The following MAP3K8 variants were observed in gnomAD, a reference collection of about 807,000 sequenced individuals.
MAP3K8 encodes the protein mitogen-activated protein kinase kinase kinase 8, also known as Ewing sarcoma transformant.
Under a neutral mutation model 45.8 loss-of-function variants are expected in MAP3K8, and 22 were observed. The observed-to-expected ratio is 0.48, with a 90% CI of 0.34 to 0.69. The LOEUF is 0.69. MAP3K8 is among the 30% of genes least tolerant of loss of function. The probability of loss-of-function intolerance (pLI) is 0.01; values close to 1 mark genes in which losing one functional copy is unlikely to be tolerated. For missense variants in MAP3K8, 419 were observed against 585.0 expected (o/e 0.72, Z 2.93); for synonymous variants, 223 against 214.3 (o/e 1.04, Z -0.36).
intron 4 of MAP3K8, among the ~76,000 whole-genome samples, chr10:30,449,040 T>C (rs894234159): frequency 6.6e-6 from 1 of 152,220 alleles, no homozygotes; most frequent in Non-Finnish European, 1.5e-5. Flanking sequence ...TGTGGATTAA[T>C]CTCATAACCA....
chr10:30,443,839 A>G (rs1194869535), intron 3 of MAP3K8, among the ~76,000 whole-genome samples: 1 of 152,190 alleles, frequency 6.6e-6, no homozygotes, highest in Non-Finnish European at 1.5e-5. Flanking sequence ...CTGCCCTTAC[A>G]GGTGATTTTG....
At chr10:30,434,577 G>T in intron 1 of MAP3K8, 199 bp downstream of exon 1, 1 of 985,902 alleles carries the variant, frequency 1.0e-6, no homozygotes, top group South Asian at 4.7e-5. Flanking sequence ...CTTGCGCAAG[G>T]GTCTCACGGG....
In MAP3K8 at chr10:30,460,803, T is replaced by A; in HGVS notation, c.1371T>A (p.Leu457=). 1 of 1,613,996 alleles carries A rather than the reference T, an allele frequency of 6.2e-7. No homozygotes were observed. Among genetic ancestry groups the A allele is most frequent in the African/African-American group, 1.3e-5 (1 of 75,054 alleles). ...GCGCTCTGGCTGGCTACTTCAATCT[T>A]GTTCGGGGACCACCAACGCTTGAAT... is the stretch of plus-strand genomic sequence containing the variant. ...DLGALAGYFN[L]VRGPPTLEYG Residue 457 remains leucine (L), a synonymous_variant, in exon 9 of 9, where the codon CTT becomes CTA. Coordinates refer to ENST00000263056, the MANE Select transcript of MAP3K8 (RefSeq NM_005204.4).
rs1427126880 is a variant in MAP3K8 at position 30,460,691 on chromosome 10, T to A, written c.1274-15T>A. 6.3e-7 allele frequency: 1 copy of A among 1,597,156 alleles called. No individual in the cohort carries two copies. Among genetic ancestry groups the A allele is most frequent in the Admixed American group, 1.7e-5 (1 of 57,372 alleles). On this transcript the variant is annotated splice_polypyrimidine_tract_variant and intron_variant, in intron 8 of 8. Coordinates refer to ENST00000263056, the MANE Select transcript of MAP3K8 (RefSeq NM_005204.4). ...CGTTTTCTTGTTACTTACTTTGTAA[T>A]GTTTTCCTTTTCAGATTCTTCGTGC... is the stretch of plus-strand genomic sequence containing the variant.
In MAP3K8 at chr10:30,459,450, C is replaced by T. The variant is rs200350013; in HGVS notation, c.1222C>T (p.Arg408Cys). ...CQSLDSALLE[R>C]KRLLSRKELE... ...GAGTCTGGACTCTGCCCTCTTGGAG[C>T]GCAAGAGGCTGCTGAGTAGGAAGGA... is the stretch of plus-strand genomic sequence containing the variant. The change falls in exon 8 of 9, where the codon CGC becomes TGC. Residue 408 changes from arginine (R) to cysteine (C), a missense_variant. By Grantham distance (180) the Arg-to-Cys change is radical (BLOSUM62 -3). Coordinates refer to ENST00000263056, the MANE Select transcript of MAP3K8 (RefSeq NM_005204.4). The T allele has an allele frequency of 2.5e-6, 4 of 1,613,960 alleles. No individual in the cohort carries two copies. Among genetic ancestry groups the T allele is most frequent in the Non-Finnish European group, 3.4e-6 (4 of 1,179,938 alleles).
Position 30,437,391 on chromosome 10 carries a change from A to G in MAP3K8, c.-39A>G. On this transcript the variant is annotated 5_prime_UTR_variant, in exon 2 of 9. Coordinates refer to ENST00000263056, the MANE Select transcript of MAP3K8 (RefSeq NM_005204.4). ...ATGAGCTTGAACTCTGTTAATCCTC[A>G]CGACCACCTCATGAGGTAGGTGCTG... is the stretch of plus-strand genomic sequence containing the variant. 3.8e-6 allele frequency: 3 copies of G among 798,622 alleles called. No individual in the cohort carries two copies. The highest frequency in any genetic ancestry group is 4.6e-6 in the Non-Finnish European group (3 of 659,126). 49.5% of individuals were successfully genotyped at this position (798,622 alleles called of 1,614,324 possible). A position where few individuals can be genotyped will look rare whatever the true frequency, so the allele number is the denominator to read the frequency against.
intron 6 of MAP3K8, among the ~76,000 whole-genome samples, chr10:30,457,108 T>C (rs892983202): frequency 6.7e-6 from 1 of 149,870 alleles, no homozygotes; most frequent in Non-Finnish European, 1.5e-5. Flanking sequence ...GCCAAAGTGC[T>C]GAGATTATAG....
chr10:30,448,834 T>A (rs975285551), intron 4 of MAP3K8, among the ~76,000 whole-genome samples: 1 of 152,062 alleles, frequency 6.6e-6, no homozygotes, highest in Non-Finnish European at 1.5e-5. Context: ...CAACAATTCC[T>A]CTCCTGTAGG....
At chr10:30,454,140 C>T (rs1836652911) in intron 6 of MAP3K8, among the ~76,000 whole-genome samples, 1 of 152,146 alleles carries the variant, frequency 6.6e-6, no homozygotes, top group Admixed American at 6.5e-5. Context: ...GCCTGAGCCA[C>T]TCAGCCCCAT....
At chr10:30,456,049 C>G (rs1302135983) in intron 6 of MAP3K8, among the ~76,000 whole-genome samples, 1 of 152,230 alleles carries the variant, frequency 6.6e-6, no homozygotes, top group African/African-American at 2.4e-5. Flanking sequence ...AGAGCCACCT[C>G]TGCACAACCC....
At chr10:30,451,399 C>T (rs1165786690) in intron 5 of MAP3K8, among the ~76,000 whole-genome samples, 1 of 152,170 alleles carries the variant, frequency 6.6e-6, no homozygotes, top group Admixed American at 6.5e-5. Flanking sequence ...AGTTCTTGAA[C>T]ATTATTAATG....
chr10:30,454,671 A>T (rs1836677242), intron 6 of MAP3K8, among the ~76,000 whole-genome samples: 1 of 151,946 alleles, frequency 6.6e-6, no homozygotes, highest in South Asian at 2.1e-4. Flanking sequence ...AATATTACTG[A>T]AGTTATTATT....
chr10:30,458,288 T>C lies in MAP3K8; in HGVS notation c.1026+52T>C, dbSNP rs781573389. Reference sequence around the variant, plus strand: ...GGCGGCGGGGGGGGGCGTTGAGTTATGCATCCCGCAGGCTTGGGAGGGACT... The same window carrying C: ...GGCGGCGGGGGGGGGCGTTGAGTTACGCATCCCGCAGGCTTGGGAGGGACT... On this transcript the variant is annotated intron_variant, in intron 7 of 8. Coordinates refer to ENST00000263056, the MANE Select transcript of MAP3K8 (RefSeq NM_005204.4). 3.8e-6 allele frequency: 5 copies of C among 1,304,976 alleles called. No individual in the cohort carries two copies. In the Admixed American group the frequency reaches 1.4e-4, roughly 36 times the overall value. 80.8% of individuals were successfully genotyped at this position (1,304,976 alleles called of 1,614,324 possible).
intron 3 of MAP3K8, among the ~76,000 whole-genome samples, chr10:30,446,534 CAAA>C (rs5784199): frequency 1.0e-4 from 9 of 89,202 alleles, no homozygotes; most frequent in African/African-American, 1.2e-4. Context: ...GACTCCATCT[CAAA>C]AAAAAAAAAA....
intron 7 of MAP3K8, 71 bp from the exon 8 acceptor site, chr10:30,459,184 T>G (rs1836847433): frequency 6.4e-7 from 1 of 1,558,514 alleles, no homozygotes; most frequent in Non-Finnish European, 8.8e-7. Context: ...TAGGTCCTGG[T>G]ACTAGCATGC....
At chr10:30,446,707 C>T (rs1398497792) in intron 3 of MAP3K8, among the ~76,000 whole-genome samples, 1 of 152,062 alleles carries the variant, frequency 6.6e-6, no homozygotes, top group Admixed American at 6.6e-5. Flanking sequence ...TTCCCATGAA[C>T]TACCATATTA....
Position 30,461,705 on chromosome 10 carries a change from ATT to A in MAP3K8, c.*871_*872del, listed in dbSNP as rs1165004678. 1 of 184,876 alleles carries A rather than the reference ATT, an allele frequency of 5.4e-6. No individual in the cohort carries two copies. Among genetic ancestry groups the A allele is most frequent in the African/African-American group, 2.3e-5 (1 of 42,574 alleles). 11.5% of individuals were successfully genotyped at this position (184,876 alleles called of 1,614,324 possible). On this transcript the variant is annotated 3_prime_UTR_variant, in exon 9 of 9. Transcript: ENST00000263056. ...TCATGAATCTTTCATACATATATAT[ATT>A]TGTAACATTGTAAAGTATGTGAGTA...
intron 3 of MAP3K8, among the ~76,000 whole-genome samples, chr10:30,447,292 A>T (rs1836373797): frequency 1.3e-5 from 2 of 152,240 alleles, no homozygotes; most frequent in South Asian, 4.1e-4. Flanking sequence ...GTCAACTCAT[A>T]GCTCTGACAT....
intron 6 of MAP3K8, among the ~76,000 whole-genome samples, chr10:30,455,864 G>A (rs948258863): frequency 2.0e-5 from 3 of 152,176 alleles, no homozygotes; most frequent in Non-Finnish European, 2.9e-5. Context: ...CAGAGTGCTC[G>A]AACATTATGC....
Sources: gnomAD v4.1 joint callset for allele counts (sites outside exome capture counted in the v4.1 genomes callset) on GRCh38, gnomAD v4.1.1 for gene constraint, MANE v1.5 for transcripts, NCBI Gene and HGNC (gene_info 2026-07-23, HGNC 2026-07-21) for gene names.